TRAPPC8: variants seen among roughly 807,000 people sequenced by gnomAD.
The protein encoded by TRAPPC8 is general sporulation gene 1 homolog.
In TRAPPC8, 54 loss-of-function variants were observed where a neutral mutation model predicts 174.3. That is an observed-to-expected ratio of 0.31 (90% CI 0.25 to 0.39). The LOEUF (loss-of-function observed/expected upper bound fraction) is 0.39, where lower values mean the gene tolerates loss of function less well. Ranked by LOEUF, TRAPPC8 falls within the 10% of genes least tolerant of loss-of-function variation. TRAPPC8 has a pLI of 1.00. For synonymous variants in TRAPPC8, 630 were observed against 579.9 expected, an observed-to-expected ratio of 1.09 and a Z score of -1.24; for missense variants, 1,531 against 1,699.1, an observed-to-expected ratio of 0.90 and a Z score of 1.74.
chr18:31,898,005 T>C lies in TRAPPC8; in HGVS notation c.1491-114A>G, dbSNP rs542597206. On this transcript the variant is annotated intron_variant, in intron 10 of 28. Coordinates refer to ENST00000283351, the MANE Select transcript of TRAPPC8 (RefSeq NM_014939.5). ...GTTTTAGAGGATAGTTGCAGGGAGA[T>C]GGTTCCAGGACCCTCCAGGATACTA... The C allele has an allele frequency of 6.7e-6, 6 of 901,732 alleles. No individual in the cohort carries two copies. In the South Asian group the frequency reaches 1.2e-4, roughly 19 times the overall value. 55.9% of individuals were successfully genotyped at this position (901,732 alleles called of 1,614,324 possible). A position where few individuals can be genotyped will look rare whatever the true frequency, so the allele number is the denominator to read the frequency against.
At chr18:31,885,822 T>A (rs1426019000) in intron 12 of TRAPPC8, among the ~76,000 whole-genome samples, 26 of 151,610 alleles carry the variant, frequency 1.7e-4, no homozygotes, top group Admixed American at 1.6e-3. Flanking sequence ...ATCGCGCCAT[T>A]GCACTCCAGC....
intron 2 of TRAPPC8, among the ~76,000 whole-genome samples, chr18:31,922,136 T>C (rs985450696): frequency 1.3e-5 from 2 of 152,198 alleles, no homozygotes; most frequent in Non-Finnish European, 2.9e-5. Context: ...GGGACATGAA[T>C]AGAGGACAAG....
chr18:31,935,521 C>A (rs1462012969), intron 1 of TRAPPC8, among the ~76,000 whole-genome samples: 3 of 109,904 alleles, frequency 2.7e-5, no homozygotes, highest in African/African-American at 7.0e-5. Flanking sequence ...GCACTCCAGC[C>A]TGGGCAACAA....
chr18:31,835,656 G>A (rs1598578084), intron 27 of TRAPPC8, among the ~76,000 whole-genome samples: 2 of 152,194 alleles, frequency 1.3e-5, no homozygotes, highest in East Asian at 3.9e-4. Context: ...CAGACACCCA[G>A]TCACTTGATC....
At chr18:31,909,107 T>TA (rs1568124103) in intron 6 of TRAPPC8, 97 bp from the exon 7 acceptor site, 16 of 1,177,218 alleles carry the variant, frequency 1.4e-5, no homozygotes, top group Non-Finnish European at 1.8e-5. Context: ...AGCAGAATGT[T>TA]AAAATCCTTT....
chr18:31,839,891 T>C (rs1320023362), intron 26 of TRAPPC8, among the ~76,000 whole-genome samples: 2 of 152,268 alleles, frequency 1.3e-5, no homozygotes, highest in Middle Eastern at 3.4e-3. Flanking sequence ...TAGCTGAAAA[T>C]CTAAAACTGT....
chr18:31,881,096 A>G (rs1266961766), intron 12 of TRAPPC8, among the ~76,000 whole-genome samples: 1 of 152,030 alleles, frequency 6.6e-6, no homozygotes, highest in Admixed American at 6.6e-5. Context: ...TCAACAAACT[A>G]TCTATCAAAT....
chr18:31,911,904 C>T (rs867808040), intron 5 of TRAPPC8, among the ~76,000 whole-genome samples: 2 of 130,782 alleles, frequency 1.5e-5, no homozygotes, highest in South Asian at 4.9e-4. Context: ...TTCTTCTAAA[C>T]AAAAAACAGT....
intron 2 of TRAPPC8, among the ~76,000 whole-genome samples, chr18:31,925,403 C>T (rs1020220966): frequency 1.3e-5 from 2 of 151,462 alleles, no homozygotes; most frequent in African/African-American, 4.8e-5. Flanking sequence ...AAAAAGACAC[C>T]AAACATTAAA....
chr18:31,835,056 C>T (rs749796194), intron 27 of TRAPPC8, among the ~76,000 whole-genome samples: 13 of 152,158 alleles, frequency 8.5e-5, no homozygotes, highest in Non-Finnish European at 1.3e-4. Flanking sequence ...TGTAAAGATG[C>T]CTCCACTTTT....
intron 4 of TRAPPC8, 33 bp downstream of exon 4, chr18:31,916,239 T>C (rs185375998): frequency 1.4e-6 from 2 of 1,421,540 alleles, no homozygotes; most frequent in African/African-American, 1.5e-5. Flanking sequence ...ATCATTTAAC[T>C]GGAAAAAATT....
At chr18:31,937,465 G>A (rs796788427) in intron 1 of TRAPPC8, 3 of 150,698 alleles carry the variant, frequency 2.0e-5, no homozygotes, top group South Asian at 2.1e-4. Flanking sequence ...GAAGGTTGAG[G>A]CTATAGTGAG....
At chr18:31,849,919 T>C (rs937287605) in intron 24 of TRAPPC8, among the ~76,000 whole-genome samples, 180 bp from the exon 25 acceptor site, 4 of 152,154 alleles carry the variant, frequency 2.6e-5, no homozygotes, top group African/African-American at 9.7e-5. Flanking sequence ...GGGAGGCCAC[T>C]TGAACATTCA....
At chr18:31,924,418 C>T (rs2037523284) in intron 2 of TRAPPC8, among the ~76,000 whole-genome samples, 1 of 150,192 alleles carries the variant, frequency 6.7e-6, no homozygotes, top group South Asian at 2.1e-4. Context: ...CGCGCTAGTG[C>T]ACTCCAGCCT....
At position 31,852,518 on chromosome 18, in the gene TRAPPC8, G is replaced by A; in HGVS notation, c.3503-14C>T. On this transcript the variant is annotated splice_polypyrimidine_tract_variant and intron_variant, in intron 23 of 28. Transcript: ENST00000283351. ...ACTGTGTGGCCGCTAAAAAACAGGG[G>A]AAAACAAACTAATCATATCATTGGC... 6.2e-7 allele frequency: 1 copy of A among 1,614,086 alleles called. No individual in the cohort carries two copies. The highest frequency in any genetic ancestry group is 8.5e-7 in the Non-Finnish European group (1 of 1,180,004).
chr18:31,859,325 T>C (rs910725728), intron 19 of TRAPPC8, among the ~76,000 whole-genome samples: 3 of 152,038 alleles, frequency 2.0e-5, no homozygotes, highest in African/African-American at 7.2e-5. Flanking sequence ...TTGGGGACAT[T>C]AGAAGCTTTA....
Position 31,846,707 on chromosome 18 carries a change from T to C in TRAPPC8, c.3837+9A>G, listed in dbSNP as rs2033425269. The C allele has an allele frequency of 3.1e-6, 5 of 1,588,476 alleles. No individual in the cohort carries two copies. Among genetic ancestry groups the C allele is most frequent in the African/African-American group, 2.7e-5 (2 of 73,950 alleles). On this transcript the variant is annotated intron_variant, in intron 26 of 28. Transcript: ENST00000283351. ...CACCAGAAAGCTCCAAAGCAAACTA[T>C]GTTATCACCTGTTTCTGAGGATATG...
chr18:31,870,507 TA>T lies in TRAPPC8; in HGVS notation c.2258-6del, dbSNP rs35527481. ...CCACTTCCACTGTAATTGGTTCTAT[TA>T]AAAAAAAGGCCTAAATTAATAACTT... On this transcript the variant is annotated splice_region_variant and splice_polypyrimidine_tract_variant and intron_variant, in intron 15 of 28. Coordinates refer to ENST00000283351, the MANE Select transcript of TRAPPC8 (RefSeq NM_014939.5). 9.6e-5 allele frequency: 153 copies of T among 1,594,166 alleles called. No homozygotes were observed. In the East Asian group the frequency reaches 2.0e-3, roughly 21 times the overall value.
At chr18:31,882,592 T>C (rs1035474022) in intron 12 of TRAPPC8, among the ~76,000 whole-genome samples, 4 of 152,026 alleles carry the variant, frequency 2.6e-5, no homozygotes, top group African/African-American at 4.8e-5. Flanking sequence ...AACACAGACA[T>C]GGACCTCCTG....
Sources: allele counts gnomAD v4.1 joint callset (sites outside exome capture counted in the v4.1 genomes callset), GRCh38; gene constraint gnomAD v4.1.1; transcripts MANE v1.5; gene names NCBI Gene and HGNC (gene_info 2026-07-23, HGNC 2026-07-21).